PHACTR4: variants seen among roughly 807,000 people sequenced by gnomAD.
PHACTR4 encodes the protein protein phosphatase 1, regulatory subunit 124.
In PHACTR4, 51 loss-of-function variants were observed where a neutral mutation model predicts 72.7. The ratio of observed to expected loss-of-function variants is 0.70; its 90% CI spans 0.56 to 0.89. The LOEUF (loss-of-function observed/expected upper bound fraction) is 0.89. Ranked by LOEUF, PHACTR4 falls within the 40% of genes least tolerant of loss-of-function variation. The pLI, the probability that PHACTR4 is intolerant of heterozygous loss-of-function variation, is 0.00. For synonymous variants in PHACTR4, 255 were observed against 302.5 expected, an observed-to-expected ratio of 0.84 and a Z score of 1.63; for missense variants, 731 against 861.8, an observed-to-expected ratio of 0.85 and a Z score of 1.90.
chr1:28,468,863 T>C (rs1041026066), intron 6 of PHACTR4, among the ~76,000 whole-genome samples: 3 of 151,502 alleles, frequency 2.0e-5, no homozygotes, highest in African/African-American at 7.3e-5. Context: ...ATTAAGAGCC[T>C]CTGCTCTACA....
At chr1:28,390,870 G>A (rs903948586) in intron 1 of PHACTR4, among the ~76,000 whole-genome samples, 11 of 151,910 alleles carry the variant, frequency 7.2e-5, no homozygotes, top group African/African-American at 2.4e-4. Flanking sequence ...GGAGGCAGGC[G>A]GATTGCTTGA....
intron 7 of PHACTR4, 149 bp downstream of exon 7, chr1:28,474,300 G>C (rs1414578510): frequency 1.4e-6 from 1 of 718,838 alleles, no homozygotes; most frequent in Non-Finnish European, 2.3e-6. Flanking sequence ...CAAATGGACC[G>C]ATCACCTGAG....
At chr1:28,444,010 C>G (rs188890412) in intron 2 of PHACTR4, among the ~76,000 whole-genome samples, 18 of 152,034 alleles carry the variant, frequency 1.2e-4, no homozygotes, top group Non-Finnish European at 2.4e-4. Context: ...ACCCTCCATA[C>G]TGTTCCCCAT....
chr1:28,392,651 C>A (rs1653148542), intron 1 of PHACTR4, among the ~76,000 whole-genome samples: 1 of 151,908 alleles, frequency 6.6e-6, no homozygotes, highest in Non-Finnish European at 1.5e-5. Flanking sequence ...CCTCAGCCTC[C>A]CAAAGTGCTG....
At chr1:28,476,772 C>T (rs1401584745) in intron 8 of PHACTR4, among the ~76,000 whole-genome samples, 56 of 98,398 alleles carry the variant, frequency 5.7e-4, no homozygotes, top group Middle Eastern at 6.3e-3. Context: ...CTAGCCTGTT[C>T]TTTTTTTTTT....
chr1:28,456,671 A>T (rs539510960), intron 2 of PHACTR4, among the ~76,000 whole-genome samples: 1 of 151,516 alleles, frequency 6.6e-6, no homozygotes, highest in East Asian at 1.9e-4. Flanking sequence ...CATGTTCCCC[A>T]GGCTGGTCTT....
chr1:28,483,332 A>G (rs1010953376), intron 9 of PHACTR4, among the ~76,000 whole-genome samples: 1 of 151,704 alleles, frequency 6.6e-6, no homozygotes, highest in Admixed American at 6.6e-5. Flanking sequence ...GAGGGGCTCA[A>G]GGTCGGCCCA....
intron 1 of PHACTR4, among the ~76,000 whole-genome samples, chr1:28,382,345 C>T (rs1409770784): frequency 1.3e-5 from 2 of 151,842 alleles, no homozygotes; most frequent in East Asian, 1.9e-4. Context: ...CCTCTGTTGC[C>T]CAGGCTGGAG....
In PHACTR4 at chr1:28,460,135, G is replaced by A. The variant is rs1658688364; in HGVS notation, c.191-77G>A. 9 of 916,002 alleles carry A rather than the reference G, an allele frequency of 9.8e-6. 1 individual carries two copies. In the South Asian group the frequency reaches 1.3e-4, roughly 13 times the overall value. The allele number at this position is 916,002 out of a possible 1,614,324, so 56.7% of individuals were successfully genotyped here. On this transcript the variant is annotated intron_variant, in intron 3 of 13. Transcript: ENST00000373839. ...CTTAAACTACTTTATTCTTTTACCT[G>A]TAGAATTAGAATGCTAAGTGTAAGG... is the stretch of plus-strand genomic sequence containing the variant.
At chr1:28,459,320 A>T in intron 3 of PHACTR4, 62 bp downstream of exon 3, 4 of 1,420,144 alleles carry the variant, frequency 2.8e-6, no homozygotes, top group South Asian at 1.4e-5. Flanking sequence ...GATGTATTTA[A>T]TTTTTCCTTA....
At chr1:28,401,854 A>G (rs1653970702) in intron 1 of PHACTR4, among the ~76,000 whole-genome samples, 1 of 152,170 alleles carries the variant, frequency 6.6e-6, no homozygotes, top group Admixed American at 6.6e-5. Context: ...CCACTTCAGT[A>G]TCTGAAAGTA....
rs2124403217 is a variant in PHACTR4 at position 28,439,386 on chromosome 1, T to C, written c.17-19699T>C. 1.3e-5 allele frequency among the ~76,000 whole-genome samples: 2 copies of C among 152,266 alleles called. 1 individual carries two copies. The highest frequency in any genetic ancestry group is 4.1e-4 in the South Asian group (2 of 4,828). ...GGTAACACTCCCAAATGTTTCATAA[T>C]GTAGTGAGATTTTGTTTCTAAAGGT... On this transcript the variant is annotated intron_variant, in intron 2 of 13. Transcript: ENST00000373839.
chr1:28,464,996 G>A (rs1410905333), intron 4 of PHACTR4, among the ~76,000 whole-genome samples: 4 of 151,998 alleles, frequency 2.6e-5, no homozygotes, highest in East Asian at 3.9e-4. Context: ...GAGACACTGC[G>A]CCCGGCTTTT....
chr1:28,430,445 A>T (rs893694820), intron 2 of PHACTR4, among the ~76,000 whole-genome samples: 1 of 152,198 alleles, frequency 6.6e-6, no homozygotes, highest in Admixed American at 6.5e-5. Context: ...ATTACCAGCA[A>T]GGCTTTCTAA....
rs1239921562 is a variant in PHACTR4 at position 28,465,745 on chromosome 1, T to C, written c.332T>C (p.Ile111Thr). Residue 111 changes from isoleucine (I) to threonine (T), a missense_variant, in exon 5 of 14, where the codon ATA becomes ACA. Coordinates refer to ENST00000373839, the MANE Select transcript of PHACTR4 (RefSeq NM_001048183.3). Reference protein sequence around the residue: ...AMLKNGHTTPIGNARSSSPVQ... With the variant: ...AMLKNGHTTPTGNARSSSPVQ... ...TTAAAGAATGGCCATACCACCCCCATAGGGAATGCCAGATCATCTAGTCCA... is the reference window on the plus strand; with the variant it reads ...TTAAAGAATGGCCATACCACCCCCACAGGGAATGCCAGATCATCTAGTCCA... 1.2e-6 allele frequency: 2 copies of C among 1,613,876 alleles called. No homozygotes were observed. Among genetic ancestry groups the C allele is most frequent in the Admixed American group, 1.7e-5 (1 of 59,974 alleles).
chr1:28,435,871 A>G (rs1656598906), intron 2 of PHACTR4, among the ~76,000 whole-genome samples: 1 of 152,226 alleles, frequency 6.6e-6, no homozygotes, highest in Admixed American at 6.5e-5. Flanking sequence ...CTTTTAGGCT[A>G]ATAAGTATAA....
At chr1:28,462,864 A>G (rs1658912875) in intron 4 of PHACTR4, among the ~76,000 whole-genome samples, 1 of 152,264 alleles carries the variant, frequency 6.6e-6, no homozygotes, top group African/African-American at 2.4e-5. Flanking sequence ...TTTTAGGCCA[A>G]AAGTAGTGTT....
rs527501908 is a variant in PHACTR4, at chr1:28,383,482, G to A, written c.-39+13657G>A. Among the ~76,000 whole-genome samples, 9 of 152,148 alleles carry A rather than the reference G, an allele frequency of 5.9e-5. No individual in the cohort carries two copies. The East Asian group carries it at 1.7e-3, about 29-fold the overall frequency. On this transcript the variant is annotated intron_variant, in intron 1 of 13. Transcript: ENST00000373839. ...CAATATTGATTCTTCCTATCCATAG[G>A]CATGGGACGTTTTTCCATTTGTTTG...
chr1:28,384,935 C>T (rs577935278), intron 1 of PHACTR4, among the ~76,000 whole-genome samples: 61 of 152,122 alleles, frequency 4.0e-4, no homozygotes, highest in African/African-American at 1.4e-3. Context: ...ACAAAAAACC[C>T]AAATCCCTCC....
Sources: gnomAD v4.1 joint callset for allele counts (sites outside exome capture counted in the v4.1 genomes callset) on GRCh38, gnomAD v4.1.1 for gene constraint, MANE v1.5 for transcripts, NCBI Gene and HGNC (gene_info 2026-07-23, HGNC 2026-07-21) for gene names.